TERF1: variants seen among roughly 807,000 people sequenced by gnomAD.
TERF1 encodes telomeric repeat binding factor 1, also known as telomeric repeat-binding factor 1.
TERF1 carries 20 observed loss-of-function variants against 55.1 expected under a neutral mutation model. The ratio of observed to expected loss-of-function variants is 0.36; its 90% CI spans 0.26 to 0.53. The LOEUF is 0.53. Ranked by LOEUF, TERF1 falls within the 20% of genes least tolerant of loss-of-function variation. The pLI, the probability that TERF1 is intolerant of heterozygous loss-of-function variation, is 0.91. For synonymous variants in TERF1, 168 were observed against 181.2 expected, an observed-to-expected ratio of 0.93 and a Z score of 0.59; for missense variants, 439 against 535.7, an observed-to-expected ratio of 0.82 and a Z score of 1.78.
At chr8:73,013,324 T>C (rs967086701) in intron 1 of TERF1, among the ~76,000 whole-genome samples, 1 of 152,190 alleles carries the variant, frequency 6.6e-6, no homozygotes, top group African/African-American at 2.4e-5. Flanking sequence ...ACTTGTCTTT[T>C]TAAAGTTTTC....
chr8:73,030,234 A>AT, intron 6 of TERF1, 102 bp from the exon 7 acceptor site: 2 of 746,402 alleles, frequency 2.7e-6, no homozygotes, highest in South Asian at 2.0e-5. Context: ...TTCCAAAGTT[A>AT]TTTTTTTATA....
intron 4 of TERF1, 99 bp downstream of exon 4, chr8:73,022,401 T>A: frequency 1.4e-6 from 1 of 693,206 alleles, no homozygotes; most frequent in Non-Finnish European, 2.3e-6. Context: ...CTTTATCTTT[T>A]AAACAGTATA....
chr8:73,033,940 T>A (rs1476012006), intron 8 of TERF1, among the ~76,000 whole-genome samples: 2 of 152,140 alleles, frequency 1.3e-5, no homozygotes. Flanking sequence ...CTAAACCTTT[T>A]TTTCTCTTCT....
At chr8:73,016,239 T>A (rs1327646542) in intron 2 of TERF1, among the ~76,000 whole-genome samples, 1 of 152,164 alleles carries the variant, frequency 6.6e-6, no homozygotes, top group African/African-American at 2.4e-5. Context: ...TGTGCAGTAA[T>A]CATGTATGGC....
At chr8:73,030,508 G>A (rs1283450465) in intron 7 of TERF1, 113 bp downstream of exon 7, 5 of 682,326 alleles carry the variant, frequency 7.3e-6, no homozygotes, top group Non-Finnish European at 1.1e-5. Context: ...AATATCTCAG[G>A]GTCCTAGTTA....
intron 6 of TERF1, among the ~76,000 whole-genome samples, chr8:73,027,761 G>A (rs1450730983): frequency 1.3e-5 from 2 of 152,038 alleles, no homozygotes; most frequent in Non-Finnish European, 2.9e-5. Context: ...GGGTATATTT[G>A]GAAATGGATG....
At chr8:73,027,088 TATGA>T (rs919448833) in intron 6 of TERF1, 36 bp downstream of exon 6, 1 of 1,467,570 alleles carries the variant, frequency 6.8e-7, no homozygotes, top group African/African-American at 1.4e-5. Context: ...TTTTTTGTTT[TATGA>T]ATGTTCTGTC....
intron 4 of TERF1, among the ~76,000 whole-genome samples, chr8:73,024,275 G>A (rs950167623): frequency 5.3e-5 from 8 of 152,144 alleles, no homozygotes; most frequent in African/African-American, 1.9e-4. Flanking sequence ...ACTACTTCTA[G>A]GAATATCAAA....
At chr8:73,028,389 A>G (rs1809113211) in intron 6 of TERF1, among the ~76,000 whole-genome samples, 1 of 152,060 alleles carries the variant, frequency 6.6e-6, no homozygotes, top group African/African-American at 2.4e-5. Flanking sequence ...ATGCTTCTCC[A>G]ATCTATTTTT....
chr8:73,024,922 G>T lies in TERF1; in HGVS notation c.725G>T (p.Ser242Ile). Reference sequence around the variant, plus strand: ...AACCACATGATGGAGAAAATTAAGAGTTATGTGAATTATGTGCTAAGTGAA... The same window carrying T: ...AACCACATGATGGAGAAAATTAAGATTTATGTGAATTATGTGCTAAGTGAA... ...SYNHMMEKIK[S>I]YVNYVLSEKS... is the part of the protein sequence containing the mutation. The change falls in exon 5 of 10, where the codon AGT becomes ATT. Residue 242 changes from serine (S) to isoleucine (I), a missense_variant. Physicochemically the swap from Ser to Ile is moderately radical, Grantham distance 142. Around this residue, in one of 4 missense-constraint regions of TERF1, gnomAD observed 95 missense variants for 167.2 expected, o/e 0.57. Coordinates refer to ENST00000276603, the MANE Select transcript of TERF1 (RefSeq NM_017489.3). 1.3e-6 allele frequency: 2 copies of T among 1,584,328 alleles called. No homozygotes were observed. The highest frequency in any genetic ancestry group is 1.7e-6 in the Non-Finnish European group (2 of 1,168,868).
chr8:73,034,562 C>A (rs916447915), intron 8 of TERF1, among the ~76,000 whole-genome samples: 6 of 152,082 alleles, frequency 3.9e-5, no homozygotes, highest in African/African-American at 1.4e-4. Context: ...CCAGCCCTAA[C>A]CTTTTTTTCA....
intron 9 of TERF1, among the ~76,000 whole-genome samples, chr8:73,041,723 A>G (rs893103618): frequency 2.0e-5 from 3 of 152,140 alleles, no homozygotes; most frequent in East Asian, 1.9e-4. Flanking sequence ...CAAAATGGCT[A>G]CTTTTTCCCT....
intron 6 of TERF1, among the ~76,000 whole-genome samples, chr8:73,027,262 C>T (rs1809051629): frequency 6.6e-6 from 1 of 152,098 alleles, no homozygotes; most frequent in African/African-American, 2.4e-5. Flanking sequence ...GAAAATATTA[C>T]AGTTTAAATA....
chr8:73,014,963 G>C (rs1038647771), intron 2 of TERF1, among the ~76,000 whole-genome samples: 2 of 152,232 alleles, frequency 1.3e-5, no homozygotes, highest in African/African-American at 4.8e-5. Flanking sequence ...CAGAATTCCA[G>C]ACCATGCAGA....
rs1402875701 is a variant in TERF1, at chr8:73,030,475, C to A, written c.947+80C>A. 8 of 884,256 alleles carry A rather than the reference C, an allele frequency of 9.0e-6. No homozygotes were observed. The Admixed American group carries it at 1.2e-4, about 13-fold the overall frequency. The allele number at this position is 884,256 out of a possible 1,614,324, so 54.8% of individuals were successfully genotyped here. On this transcript the variant is annotated intron_variant, in intron 7 of 9. Transcript: ENST00000276603. ...TTCATGCAGACCTAATAAAAACTACCACATAAATGGTACAATTGAAAGAAT... is the reference window on the plus strand; with the variant it reads ...TTCATGCAGACCTAATAAAAACTACAACATAAATGGTACAATTGAAAGAAT...
chr8:73,032,229 T>A (rs879684011), intron 8 of TERF1, 96 bp downstream of exon 8: 33 of 777,860 alleles, frequency 4.2e-5, no homozygotes, highest in Non-Finnish European at 6.0e-5. Flanking sequence ...AAACACACAC[T>A]TCAGAAAACT....
chr8:73,016,828 A>G (rs532230064), intron 2 of TERF1, among the ~76,000 whole-genome samples: 1 of 152,262 alleles, frequency 6.6e-6, no homozygotes, highest in South Asian at 2.1e-4. Flanking sequence ...CAAGGAAACC[A>G]CCAGAAGCTG....
At chr8:73,030,100 G>T in intron 6 of TERF1, 1 of 351,902 alleles carries the variant, frequency 2.8e-6, no homozygotes, top group East Asian at 4.4e-5. Flanking sequence ...ATAAATGCTT[G>T]ACTACACCAT....
intron 7 of TERF1, 40 bp from the exon 8 acceptor site, chr8:73,032,002 C>A (rs1228515785): frequency 7.0e-7 from 1 of 1,420,168 alleles, no homozygotes; most frequent in African/African-American, 1.4e-5. Context: ...GCCTTACTAT[C>A]TTTCTGGAGC....
Sources: allele counts gnomAD v4.1 joint callset (sites outside exome capture counted in the v4.1 genomes callset), GRCh38; gene constraint gnomAD v4.1.1; regional missense constraint gnomAD v4.1.1; transcripts MANE v1.5; gene names NCBI Gene and HGNC (gene_info 2026-07-23, HGNC 2026-07-21).